NSMCE2: variants seen among roughly 807,000 people sequenced by gnomAD.
The protein encoded by NSMCE2 is E3 SUMO-protein ligase NSE2.
Under a neutral mutation model 23.8 loss-of-function variants are expected in NSMCE2, and 24 were observed. The ratio of observed to expected loss-of-function variants is 1.01; its 90% CI spans 0.73 to 1.42. The LOEUF (loss-of-function observed/expected upper bound fraction) is 1.42. NSMCE2 is among the 40% of genes most tolerant of loss of function. The probability of loss-of-function intolerance (pLI) is 0.00; values close to 1 mark genes in which losing one functional copy is unlikely to be tolerated. For missense variants in NSMCE2, 284 were observed against 296.5 expected (o/e 0.96, Z 0.31); for synonymous variants, 92 against 94.1 (o/e 0.98, Z 0.13).
chr8:125,333,757 C>T (rs1030341422), intron 5 of NSMCE2, among the ~76,000 whole-genome samples: 1 of 151,988 alleles, frequency 6.6e-6, no homozygotes, highest in African/African-American at 2.4e-5. Context: ...TCGTGATCCG[C>T]CCGCCTCGGC....
At chr8:125,230,427 T>C (rs1198872833) in intron 5 of NSMCE2, among the ~76,000 whole-genome samples, 1 of 152,174 alleles carries the variant, frequency 6.6e-6, no homozygotes, top group Non-Finnish European at 1.5e-5. Context: ...AAGAATATGA[T>C]TTTTTAAAAA....
At chr8:125,311,305 C>T (rs7015929) in intron 5 of NSMCE2, among the ~76,000 whole-genome samples, 12,288 of 152,230 alleles carry the variant, frequency 0.081, 615 homozygotes, top group South Asian at 0.16. Context: ...CAGTTCTCTG[C>T]TTCATTTAAA....
intron 5 of NSMCE2, among the ~76,000 whole-genome samples, chr8:125,235,244 T>TA (rs60442484): frequency 0.16 from 22,028 of 141,414 alleles, 2,438 homozygotes; most frequent in African/African-American, 0.33. Flanking sequence ...CCATCTCAAT[T>TA]AAAAAAAAAA....
At chr8:125,132,978 C>T (rs959143190) in intron 3 of NSMCE2, among the ~76,000 whole-genome samples, 1 of 152,124 alleles carries the variant, frequency 6.6e-6, no homozygotes, top group Non-Finnish European at 1.5e-5. Context: ...AACTGAGCAC[C>T]AGTAAGATTA....
chr8:125,128,454 G>A lies in NSMCE2; in HGVS notation c.158-22717G>A, dbSNP rs114574104. Reference sequence around the variant, plus strand: ...ATTGAATATGGAAATTGAGGAAAAGGAAGAAGTCAATGGTGATACTCAAAT... The same window carrying A: ...ATTGAATATGGAAATTGAGGAAAAGAAAGAAGTCAATGGTGATACTCAAAT... On this transcript the variant is annotated intron_variant, in intron 3 of 7. Coordinates refer to ENST00000287437, the MANE Select transcript of NSMCE2 (RefSeq NM_173685.4). Among the ~76,000 whole-genome samples, 279 of 152,256 alleles carry A rather than the reference G, an allele frequency of 1.8e-3. 2 individuals are homozygous for A. The highest frequency in any genetic ancestry group is 6.2e-3 in the African/African-American group (259 of 41,560).
At chr8:125,216,565 C>CA (rs1824593280) in intron 5 of NSMCE2, among the ~76,000 whole-genome samples, 14 of 150,046 alleles carry the variant, frequency 9.3e-5, no homozygotes, top group Admixed American at 9.3e-4. Flanking sequence ...ACCTGGGAGG[C>CA]GGAGGTTGCG....
At chr8:125,127,307 A>T (rs748145468) in intron 3 of NSMCE2, among the ~76,000 whole-genome samples, 5 of 152,098 alleles carry the variant, frequency 3.3e-5, no homozygotes, top group African/African-American at 4.8e-5. Context: ...GGCACTGAGA[A>T]TGTGTGCTGA....
chr8:125,143,994 G>A (rs1006876004), intron 3 of NSMCE2, among the ~76,000 whole-genome samples: 46 of 152,324 alleles, frequency 3.0e-4, no homozygotes, highest in African/African-American at 1.0e-3. Flanking sequence ...ATGATATCTG[G>A]TAGTGTAATG....
At chr8:125,356,201 A>G (rs893717273) in intron 5 of NSMCE2, among the ~76,000 whole-genome samples, 1 of 150,740 alleles carries the variant, frequency 6.6e-6, no homozygotes, top group African/African-American at 2.4e-5. Flanking sequence ...ATGGAAAACA[A>G]TGCCATTCTT....
At chr8:125,337,824 G>A (rs1830108701) in intron 5 of NSMCE2, among the ~76,000 whole-genome samples, 1 of 150,192 alleles carries the variant, frequency 6.7e-6, no homozygotes. Context: ...GAACCTGGGA[G>A]GTGGAGGTTG....
At chr8:125,357,649 C>T (rs142204052) in intron 6 of NSMCE2, 63 bp from the exon 7 acceptor site, 74 of 1,247,308 alleles carry the variant, frequency 5.9e-5, no homozygotes, top group African/African-American at 3.4e-4. Flanking sequence ...AGGACTAGGA[C>T]GAAACAGCTA....
In NSMCE2 at chr8:125,097,330, C is replaced by G. The variant is rs112419942; in HGVS notation, c.-110-4721C>G. 3.8e-3 allele frequency among the ~76,000 whole-genome samples: 577 copies of G among 152,248 alleles called. 7 individuals are homozygous for G. Among genetic ancestry groups the G allele is most frequent in the African/African-American group, 0.013 (546 of 41,524 alleles). On this transcript the variant is annotated intron_variant, in intron 1 of 7. Transcript: ENST00000287437. Reference sequence around the variant, plus strand: ...AGAGCTCAAATTTCCATGATGACCACTAGACCCAACTGGAGTGAATCTTTA... The same window carrying G: ...AGAGCTCAAATTTCCATGATGACCAGTAGACCCAACTGGAGTGAATCTTTA...
intron 5 of NSMCE2, among the ~76,000 whole-genome samples, chr8:125,226,205 GC>G: frequency 6.6e-6 from 1 of 152,170 alleles, no homozygotes; most frequent in East Asian, 1.9e-4. Context: ...CTCCCAGAGG[GC>G]CTCATGACTT....
intron 5 of NSMCE2, among the ~76,000 whole-genome samples, chr8:125,354,190 C>T (rs1813158577): frequency 6.6e-6 from 1 of 152,042 alleles, no homozygotes; most frequent in African/African-American, 2.4e-5. Context: ...CCTCAGCCTC[C>T]CAAAGTGCTG....
intron 5 of NSMCE2, among the ~76,000 whole-genome samples, chr8:125,193,313 C>T (rs551363590): frequency 6.6e-4 from 100 of 152,232 alleles, no homozygotes; most frequent in Admixed American, 1.0e-3. Context: ...AAACATGTAT[C>T]TTACAAAGAA....
At chr8:125,173,664 A>G (rs1421128848) in intron 4 of NSMCE2, among the ~76,000 whole-genome samples, 1 of 152,192 alleles carries the variant, frequency 6.6e-6, no homozygotes, top group African/African-American at 2.4e-5. Context: ...TGGACAGGAA[A>G]GGCAGTTTCA....
chr8:125,095,799 A>T (rs544952769), intron 1 of NSMCE2, among the ~76,000 whole-genome samples: 1 of 150,110 alleles, frequency 6.7e-6, no homozygotes, highest in South Asian at 2.1e-4. Context: ...AGAGAATTGC[A>T]TGAACCTGGG....
intron 7 of NSMCE2, among the ~76,000 whole-genome samples, chr8:125,361,666 A>G (rs1352025901): frequency 6.6e-6 from 1 of 152,250 alleles, no homozygotes; most frequent in Non-Finnish European, 1.5e-5. Context: ...GCAGAAGAGT[A>G]GCAAAAGCAC....
chr8:125,298,690 T>TTTG (rs1563770274), intron 5 of NSMCE2, among the ~76,000 whole-genome samples: 3 of 73,176 alleles, frequency 4.1e-5, no homozygotes, highest in Admixed American at 1.4e-4. Flanking sequence ...TCTGTGGGTT[T>TTTG]TTTTTTGTTT....
Sources: gnomAD v4.1 joint callset for allele counts (sites outside exome capture counted in the v4.1 genomes callset) on GRCh38, gnomAD v4.1.1 for gene constraint, MANE v1.5 for transcripts, NCBI Gene and HGNC (gene_info 2026-07-23, HGNC 2026-07-21) for gene names.